DCDC1: variants seen among roughly 807,000 people sequenced by gnomAD.
DCDC1 encodes the protein doublecortin domain-containing protein 1.
A neutral mutation model predicts 178.3 loss-of-function variants in DCDC1; 200 were observed. That is an observed-to-expected ratio of 1.12 (90% confidence interval 1.00 to 1.26). The LOEUF (loss-of-function observed/expected upper bound fraction) is 1.26, where lower values mean the gene tolerates loss of function less well. Ranked by LOEUF, DCDC1 falls within the 50% of genes most tolerant of loss-of-function variation. The pLI is 0.00. For missense variants in DCDC1, 1,983 were observed against 1,749.2 expected, an observed-to-expected ratio of 1.13 and a Z score of -2.38; for synonymous variants, 690 against 604.8, an observed-to-expected ratio of 1.14 and a Z score of -2.07.
At chr11:30,869,692 A>G (rs1250038122) in intron 38 of DCDC1, among the ~76,000 whole-genome samples, 1 of 152,180 alleles carries the variant, frequency 6.6e-6, no homozygotes, top group Non-Finnish European at 1.5e-5. Flanking sequence ...AAAATCATGG[A>G]AGTAAGAGAG....
chr11:31,179,588 T>C (rs945450422), intron 9 of DCDC1, among the ~76,000 whole-genome samples: 1 of 152,198 alleles, frequency 6.6e-6, no homozygotes, highest in Non-Finnish European at 1.5e-5. Context: ...ACAAATACCA[T>C]ATGATCTCAC....
intron 18 of DCDC1, among the ~76,000 whole-genome samples, chr11:31,072,170 C>T (rs1956606408): frequency 6.6e-6 from 1 of 152,036 alleles, no homozygotes. Context: ...AATACCATCT[C>T]ATTGTTTTAC....
At chr11:31,241,776 C>T (rs1008542660) in intron 8 of DCDC1, 160 bp from the exon 9 acceptor site, 3 of 378,666 alleles carry the variant, frequency 7.9e-6, no homozygotes, top group Admixed American at 4.5e-5. Context: ...TACTAGTGGC[C>T]ACCATGAAGG....
rs77004868 is a variant in DCDC1 at position 31,138,569 on chromosome 11, T to G, written c.1222-785A>C. On this transcript the variant is annotated intron_variant, in intron 9 of 38. Transcript: ENST00000684477. ...ACAGAGAACCCTCTGAATTGGAATA[T>G]TTAATAATTCTTTAGCAACGGACTT... Among the ~76,000 whole-genome samples the G allele has an allele frequency of 9.0e-3, 1,369 of 152,348 alleles. 15 individuals carry two copies. The highest frequency in any genetic ancestry group is 0.015 in the Non-Finnish European group (1,020 of 68,024).
intron 11 of DCDC1, among the ~76,000 whole-genome samples, chr11:31,111,733 A>C (rs985720770): frequency 6.6e-6 from 1 of 152,230 alleles, no homozygotes; most frequent in Admixed American, 6.5e-5. Flanking sequence ...AGAGAAATTT[A>C]GCAGTGAAGG....
chr11:30,918,340 T>C (rs901224718), intron 25 of DCDC1, among the ~76,000 whole-genome samples: 1 of 152,178 alleles, frequency 6.6e-6, no homozygotes, highest in Non-Finnish European at 1.5e-5. Flanking sequence ...AAACCATTCG[T>C]TAGTTATTCA....
intron 18 of DCDC1, among the ~76,000 whole-genome samples, chr11:31,076,645 CTGTT>C: frequency 1.3e-5 from 2 of 152,272 alleles, no homozygotes; most frequent in Middle Eastern, 3.4e-3. Context: ...TGCCCAACTG[CTGTT>C]TGTTTGGAGA....
In DCDC1 at chr11:31,152,371, G is replaced by T. The variant is rs376525156; in HGVS notation, c.1222-14587C>A. ...AGAGTATAGTTGTATTTCAAAAAAA[G>T]AAAAGAGTGATTCTAATGGAAAGCT... On this transcript the variant is annotated intron_variant, in intron 9 of 38. Coordinates refer to ENST00000684477, the MANE Select transcript of DCDC1 (RefSeq NM_001387274.1). Among the ~76,000 whole-genome samples the T allele has an allele frequency of 1.8e-4, 28 of 152,280 alleles. No individual in the cohort carries two copies. The East Asian group carries it at 4.6e-3, about 25-fold the overall frequency.
chr11:30,882,481 T>C (rs1942777185), intron 36 of DCDC1: 1 of 152,138 alleles, frequency 6.6e-6, no homozygotes, highest in Non-Finnish European at 1.5e-5. Flanking sequence ...CTAGGGTACA[T>C]GTGCACAATG....
chr11:30,906,622 C>T lies in DCDC1; in HGVS notation c.4022G>A (p.Gly1341Glu), dbSNP rs368018262. Residue 1341 changes from glycine to glutamate, a missense_variant, in exon 30 of 39, where the codon GGG (glycine) becomes GAG (glutamate). Gly to Glu is a moderately conservative substitution (Grantham distance 98). Transcript: ENST00000684477. ...TEKGLKQLLP[G>E]VPFLCISGTK... ...GCCTGAAATACAGAGGAATGGAACC[C>T]CTGGAAGCAATTGTTTCAGTCCTTT... The T allele has an allele frequency of 7.4e-6, 12 of 1,613,352 alleles. No homozygotes were observed. The highest frequency in any genetic ancestry group is 1.0e-5 in the Non-Finnish European group (12 of 1,179,708).
intron 18 of DCDC1, among the ~76,000 whole-genome samples, chr11:31,077,381 T>C (rs2135557013): frequency 6.6e-6 from 1 of 152,362 alleles, no homozygotes; most frequent in Non-Finnish European, 1.5e-5. Context: ...TTATCCCTTC[T>C]ACTGCTGACA....
At chr11:30,880,410 T>C (rs998556530) in intron 37 of DCDC1, among the ~76,000 whole-genome samples, 1 of 152,192 alleles carries the variant, frequency 6.6e-6, no homozygotes, top group Admixed American at 6.5e-5. Flanking sequence ...ATTGCAACTG[T>C]TTTAGAAGTT....
intron 1 of DCDC1, among the ~76,000 whole-genome samples, chr11:31,357,167 A>T (rs992880855): frequency 6.6e-6 from 1 of 152,180 alleles, no homozygotes; most frequent in African/African-American, 2.4e-5. Flanking sequence ...TCCCTGATGA[A>T]CATTGATGCT....
intron 20 of DCDC1, among the ~76,000 whole-genome samples, chr11:31,015,160 G>C (rs1952415853): frequency 6.6e-6 from 1 of 151,950 alleles, no homozygotes; most frequent in South Asian, 2.1e-4. Flanking sequence ...GGTTTAGCCA[G>C]GGTGGTCTCG....
intron 1 of DCDC1, among the ~76,000 whole-genome samples, chr11:31,349,608 T>G (rs1325967188): frequency 1.3e-5 from 2 of 152,250 alleles, no homozygotes; most frequent in Non-Finnish European, 2.9e-5. Flanking sequence ...TTTAAAAATC[T>G]ATTCTTGGAA....
Position 30,900,326 on chromosome 11 carries a change from A to G in DCDC1, c.4663+20T>C. The G allele has an allele frequency of 6.7e-7, 1 of 1,494,484 alleles. No individual in the cohort carries two copies. The highest frequency in any genetic ancestry group is 8.9e-7 in the Non-Finnish European group (1 of 1,119,482). 92.6% of individuals were successfully genotyped at this position (1,494,484 alleles called of 1,614,324 possible). ...CCCTTCATATACTTGCTTGAAAGAA[A>G]GCAAAAACAAAAAAGTTACCATTTG... On this transcript the variant is annotated intron_variant, in intron 33 of 38. Transcript: ENST00000684477.
At chr11:31,231,864 A>T (rs1179494459) in intron 9 of DCDC1, among the ~76,000 whole-genome samples, 1 of 152,206 alleles carries the variant, frequency 6.6e-6, no homozygotes, top group Non-Finnish European at 1.5e-5. Context: ...TAAACAAAAT[A>T]AGGAAAACAC....
chr11:31,097,967 T>C (rs150328488), intron 15 of DCDC1, among the ~76,000 whole-genome samples: 116 of 152,288 alleles, frequency 7.6e-4, no homozygotes, highest in Middle Eastern at 3.4e-3. Context: ...ACAAGCTAAA[T>C]TGTAACAAGT....
At chr11:30,895,964 C>T (rs657447) in intron 34 of DCDC1, among the ~76,000 whole-genome samples, 4,256 of 152,236 alleles carry the variant, frequency 0.028, 182 homozygotes, top group African/African-American at 0.098. Flanking sequence ...AATAGTTTAT[C>T]ATTTATACTG....
Sources: allele counts gnomAD v4.1 joint callset (sites outside exome capture counted in the v4.1 genomes callset), GRCh38; gene constraint gnomAD v4.1.1; transcripts MANE v1.5; gene names NCBI Gene and HGNC (gene_info 2026-07-23, HGNC 2026-07-21).